The following MAPK10 variants were observed in gnomAD, a reference collection of about 807,000 sequenced individuals.
The protein encoded by MAPK10 is JNK3 alpha protein kinase.
Under a neutral mutation model 59.3 loss-of-function variants are expected in MAPK10, and 25 were observed. That is an observed-to-expected ratio of 0.42 (90% confidence interval 0.31 to 0.59). The LOEUF (loss-of-function observed/expected upper bound fraction) is 0.59, where lower values mean the gene tolerates loss of function less well. Ranked by LOEUF, MAPK10 falls within the 20% of genes least tolerant of loss-of-function variation. The pLI, the probability that MAPK10 is intolerant of heterozygous loss-of-function variation, is 0.15. For synonymous variants in MAPK10, 190 were observed against 200.5 expected (o/e 0.95, Z 0.44); for missense variants, 351 against 568.9 (o/e 0.62, Z 3.90).
At chr4:86,022,673 T>TA (rs1310794644) in intron 13 of MAPK10, among the ~76,000 whole-genome samples, 2 of 151,898 alleles carry the variant, frequency 1.3e-5, no homozygotes, top group Non-Finnish European at 2.9e-5. Flanking sequence ...CCTGGCTAAT[T>TA]AAAAAAAAGA....
chr4:86,210,084 T>A (rs2085352283), intron 2 of MAPK10, among the ~76,000 whole-genome samples: 1 of 152,032 alleles, frequency 6.6e-6, no homozygotes, highest in Admixed American at 6.6e-5. Context: ...TGCAGAAGAA[T>A]AAAACTAGAC....
intron 2 of MAPK10, chr4:86,268,333 T>C (rs1259053548): frequency 6.6e-6 from 1 of 152,274 alleles, no homozygotes; most frequent in Non-Finnish European, 1.5e-5. Context: ...TTCCAACCTT[T>C]ATCATCTTTC....
chr4:86,455,389 A>G (rs111947681), upstream of MAPK10, among the ~76,000 whole-genome samples: 1,779 of 152,210 alleles, frequency 0.012, 11 homozygotes, highest in Non-Finnish European at 0.014. Context: ...CACACCTTCA[A>G]GAGACACAAA....
At chr4:86,241,523 T>G (rs777153682) in intron 2 of MAPK10, among the ~76,000 whole-genome samples, 55 of 152,128 alleles carry the variant, frequency 3.6e-4, no homozygotes, top group Non-Finnish European at 6.9e-4. Context: ...GCTTTGTTCA[T>G]TCCTTTCATT....
intron 1 of MAPK10, among the ~76,000 whole-genome samples, chr4:86,391,751 C>A (rs544796241): frequency 6.6e-6 from 1 of 152,274 alleles, no homozygotes; most frequent in South Asian, 2.1e-4. Context: ...GAGGTTGGAT[C>A]CTGCAGAGAA....
intron 13 of MAPK10, chr4:86,027,110 CA>C (rs1750718177): frequency 2.6e-5 from 4 of 152,266 alleles, no homozygotes; most frequent in Middle Eastern, 6.8e-3. Context: ...TACAGAAATG[CA>C]TCCCATAATG....
chr4:86,018,978 G>T (rs1162127705), intron 13 of MAPK10, among the ~76,000 whole-genome samples: 6 of 152,182 alleles, frequency 3.9e-5, no homozygotes, highest in Admixed American at 3.9e-4. Context: ...TTGCCTGTGA[G>T]AAAAGTGTGA....
intron 9 of MAPK10, among the ~76,000 whole-genome samples, chr4:86,072,457 C>G (rs2048256042): frequency 7.4e-6 from 1 of 134,824 alleles, no homozygotes; most frequent in South Asian, 2.5e-4. Context: ...GAGAGGGCAT[C>G]CCTGTCTTGT....
At chr4:86,246,511 A>G (rs907447062) in intron 2 of MAPK10, among the ~76,000 whole-genome samples, 2 of 152,208 alleles carry the variant, frequency 1.3e-5, no homozygotes, top group Non-Finnish European at 2.9e-5. Flanking sequence ...TTGTTGCTTA[A>G]ATTGAATGTA....
intron 13 of MAPK10, chr4:86,027,688 T>G (rs1251301142): frequency 6.6e-6 from 1 of 152,214 alleles, no homozygotes; most frequent in Non-Finnish European, 1.5e-5. Context: ...AATTAATATA[T>G]ATTTACTGAG....
chr4:86,515,209 T>G (rs1361002979), intron 1 of MAPK10, among the ~76,000 whole-genome samples: 1 of 152,112 alleles, frequency 6.6e-6, no homozygotes, highest in Non-Finnish European at 1.5e-5. Context: ...TGAGTAGTAT[T>G]CCACAGTTTC....
At chr4:86,214,787 A>G (rs1002831064) in intron 2 of MAPK10, among the ~76,000 whole-genome samples, 3 of 152,156 alleles carry the variant, frequency 2.0e-5, no homozygotes, top group Non-Finnish European at 2.9e-5. Flanking sequence ...AAATAGAAAG[A>G]CATCTCATGT....
intron 11 of MAPK10, among the ~76,000 whole-genome samples, chr4:86,034,212 AC>A (rs1225063521): frequency 6.6e-6 from 1 of 152,224 alleles, no homozygotes; most frequent in Non-Finnish European, 1.5e-5. Context: ...AGGGCCTGTG[AC>A]TTTCACCCTT....
chr4:86,355,087 A>G (rs561524249), intron 1 of MAPK10, among the ~76,000 whole-genome samples: 33 of 152,268 alleles, frequency 2.2e-4, no homozygotes, highest in Non-Finnish European at 7.4e-5. Flanking sequence ...AAAAGAAAGT[A>G]AACCTAAGCT....
chr4:86,163,296 G>C (rs932941152), intron 3 of MAPK10, among the ~76,000 whole-genome samples: 19 of 152,016 alleles, frequency 1.2e-4, no homozygotes, highest in African/African-American at 4.6e-4. Flanking sequence ...AGTTTTGAAA[G>C]GTTCAGAGCA....
intron 4 of MAPK10, 140 bp downstream of exon 4, chr4:86,159,158 T>C (rs892750991): frequency 9.1e-6 from 5 of 551,298 alleles, no homozygotes; most frequent in East Asian, 6.3e-5. Context: ...CATAATGTTA[T>C]TTTTTTTTCT....
At chr4:86,451,262 AT>A (rs1169722124) in intron 1 of MAPK10, among the ~76,000 whole-genome samples, 1 of 152,186 alleles carries the variant, frequency 6.6e-6, no homozygotes, top group Non-Finnish European at 1.5e-5. Context: ...CTACACTGTT[AT>A]CCCCAAACCT....
rs776602932 is a variant in MAPK10 at position 86,101,045 on chromosome 4, T to A, written c.730+7A>T. 24 of 1,612,842 alleles carry A rather than the reference T, an allele frequency of 1.5e-5. 1 individual carries two copies. In the South Asian group the frequency reaches 2.5e-4, roughly 17 times the overall value. On this transcript the variant is annotated splice_region_variant and intron_variant, in intron 8 of 13. Coordinates refer to ENST00000641462, the MANE Select transcript of MAPK10 (RefSeq NM_138982.4). ...GTTTTGATGCTGCTCTCCCGAAGCA[T>A]CCCTACCGTTCTCCTTGTAGCCCAT...
chr4:86,213,447 A>G lies in MAPK10; in HGVS notation c.-6-19040T>C, dbSNP rs1368418734. Among the ~76,000 whole-genome samples, 3 of 152,228 alleles carry G rather than the reference A, an allele frequency of 2.0e-5. No individual in the cohort carries two copies. The East Asian group carries it at 5.8e-4, about 29-fold the overall frequency. Reference sequence around the variant, plus strand: ...TTTAAAAAGATTAACAAAATTGACAAATCTTTAGCTGGATTTAGTAAGATA... The same window carrying G: ...TTTAAAAAGATTAACAAAATTGACAGATCTTTAGCTGGATTTAGTAAGATA... On this transcript the variant is annotated intron_variant, in intron 2 of 13. Coordinates refer to ENST00000641462, the MANE Select transcript of MAPK10 (RefSeq NM_138982.4).
Sources: gnomAD v4.1 joint callset for allele counts (sites outside exome capture counted in the v4.1 genomes callset) on GRCh38, gnomAD v4.1.1 for gene constraint, MANE v1.5 for transcripts, NCBI Gene and HGNC (gene_info 2026-07-23, HGNC 2026-07-21) for gene names.